The following NEXN variants were observed in gnomAD, a reference collection of about 807,000 sequenced individuals.
The protein encoded by NEXN is nexilin F-actin binding protein.
NEXN carries 65 observed loss-of-function variants against 92.6 expected under a neutral mutation model. That is an observed-to-expected ratio of 0.70 (90% CI 0.57 to 0.86). NEXN has a LOEUF of 0.86. Among genes scored for constraint, NEXN ranks in the 40% least tolerant of loss-of-function variants. NEXN has a pLI of 0.00. For synonymous variants in NEXN, 254 were observed against 242.5 expected (o/e 1.05, Z -0.44); for missense variants, 778 against 771.1 (o/e 1.01, Z -0.11).
Position 77,942,857 on chromosome 1 carries a change from ATTTTT to A in NEXN, c.*33_*37del. 1 of 1,559,680 alleles carries A rather than the reference ATTTTT, an allele frequency of 6.4e-7. No individual in the cohort carries two copies. Among genetic ancestry groups the A allele is most frequent in the South Asian group, 1.2e-5 (1 of 86,670 alleles). ...ACTCTTTTTATCTTTTATTCTATTA[ATTTTT>A]TTTTCCTTAAAATCACTTTTCTTCT... On this transcript the variant is annotated 3_prime_UTR_variant, in exon 13 of 13. Transcript: ENST00000334785.
intron 1 of NEXN, among the ~76,000 whole-genome samples, chr1:77,910,788 G>T (rs1044648988): frequency 6.8e-6 from 1 of 147,628 alleles, no homozygotes; most frequent in African/African-American, 2.5e-5. Flanking sequence ...AGTTATTTTA[G>T]CAGGGTTGCA....
intron 1 of NEXN, among the ~76,000 whole-genome samples, chr1:77,906,545 A>C (rs1347387692): frequency 2.0e-5 from 3 of 152,206 alleles, no homozygotes; most frequent in African/African-American, 7.2e-5. Flanking sequence ...TTTTGTATTA[A>C]TATTAAAATT....
At position 77,942,602 on chromosome 1, in the gene NEXN, T is replaced by C. The variant is rs1441251448; in HGVS notation, c.1801T>C (p.Phe601Leu). 1.2e-6 allele frequency: 2 copies of C among 1,613,706 alleles called. No homozygotes were observed. Among genetic ancestry groups the C allele is most frequent in the East Asian group, 2.2e-5 (1 of 44,868 alleles). Residue 601 changes from phenylalanine (F) to leucine (L), a missense_variant, in exon 13 of 13, where the codon TTT (phenylalanine) becomes CTT (leucine). By Grantham distance (22) the Phe-to-Leu change is conservative. Around this residue, in one of 3 missense-constraint regions of NEXN, gnomAD observed 532 missense variants for 476.7 expected, o/e 1.12. Transcript: ENST00000334785. ...AGTTGTAGACAGTGAGCCAGTCAGA[T>C]TTACGGTTAAAGTAACAGGAGAACC... ...TSVVDSEPVR[F>L]TVKVTGEPKP...
chr1:77,936,398 G>A (rs1296020944), intron 11 of NEXN, among the ~76,000 whole-genome samples: 1 of 152,122 alleles, frequency 6.6e-6, no homozygotes, highest in Non-Finnish European at 1.5e-5. Flanking sequence ...GCTAGCCTGG[G>A]TAACAAAGTG....
At chr1:77,925,301 G>T in intron 6 of NEXN, 72 bp downstream of exon 6, 2 of 1,047,618 alleles carry the variant, frequency 1.9e-6, no homozygotes, top group South Asian at 1.4e-5. Context: ...TTTAGTATAA[G>T]AAAAAACTAA....
rs794729092 is a variant in NEXN, at chr1:77,936,014, TAA to T, written c.1445_1446del (p.Lys482ArgfsTer5). On this transcript the variant is annotated frameshift_variant, in exon 11 of 13. Transcript: ENST00000334785. LOFTEE classifies it high-confidence loss of function. Reference protein sequence around the residue: ...ARRRAIDLEIKEREAENFHEE... With the variant: ...ARRRAIDLEIXEREAENFHEE... ...GAAGGAGAGCAATTGACCTTGAAAT[TAA>T]AGAGCGAGAAGCTGAAAATTTTCAT... The T allele has an allele frequency of 6.2e-7, 1 of 1,613,560 alleles. No individual in the cohort carries two copies. The highest frequency in any genetic ancestry group is 8.5e-7 in the Non-Finnish European group (1 of 1,179,820).
intron 1 of NEXN, among the ~76,000 whole-genome samples, chr1:77,897,443 T>C (rs1647323441): frequency 6.6e-6 from 1 of 152,200 alleles, no homozygotes; most frequent in Non-Finnish European, 1.5e-5. Flanking sequence ...GAAAAGGCCT[T>C]TGACAAAATT....
At position 77,921,460 on chromosome 1, in the gene NEXN, T is replaced by C. The variant is rs1035703540; in HGVS notation, c.447+3187T>C. Among the ~76,000 whole-genome samples the C allele has an allele frequency of 2.6e-5, 4 of 152,206 alleles. No individual in the cohort carries two copies. The East Asian group carries it at 5.8e-4, about 22-fold the overall frequency. On this transcript the variant is annotated intron_variant, in intron 5 of 12. Transcript: ENST00000334785. ...TCCTGGATCTTTTTATTTTTTATTTTTTAAGACAGAGTCTTGCTCTGTTGC... is the reference window on the plus strand; with the variant it reads ...TCCTGGATCTTTTTATTTTTTATTTCTTAAGACAGAGTCTTGCTCTGTTGC...
intron 11 of NEXN, among the ~76,000 whole-genome samples, chr1:77,939,246 G>A (rs1651051377): frequency 6.6e-6 from 1 of 152,208 alleles, no homozygotes. Context: ...CAGGTCTGGG[G>A]AGTTGGGGTG....
intron 1 of NEXN, among the ~76,000 whole-genome samples, chr1:77,915,667 C>T (rs1557972486): frequency 6.6e-6 from 1 of 151,966 alleles, no homozygotes; most frequent in Non-Finnish European, 1.5e-5. Flanking sequence ...AACAAGCAAA[C>T]AAAAAACTAC....
intron 5 of NEXN, among the ~76,000 whole-genome samples, chr1:77,921,405 T>C (rs1164764022): frequency 6.6e-6 from 1 of 152,234 alleles, no homozygotes; most frequent in East Asian, 1.9e-4. Flanking sequence ...CTCTTTTCTA[T>C]ATTCTCAATG....
intron 1 of NEXN, among the ~76,000 whole-genome samples, chr1:77,891,747 T>TAAAAAAAAAAAAAAAAAAAAAAAAAAA (rs373772489): frequency 7.7e-6 from 1 of 129,034 alleles, no homozygotes. Flanking sequence ...GGAAAAAAAG[T>TAAAAAAAAAAAAAAAAAAAAAAAAAAA]AAAAAAAAAA....
At chr1:77,908,079 GT>G (rs1489219813) in intron 1 of NEXN, among the ~76,000 whole-genome samples, 1 of 151,824 alleles carries the variant, frequency 6.6e-6, no homozygotes, top group Non-Finnish European at 1.5e-5. Context: ...TGAGACCCCT[GT>G]CTCTATTTTT....
chr1:77,898,260 A>C (rs918191588), intron 1 of NEXN, among the ~76,000 whole-genome samples: 4 of 152,250 alleles, frequency 2.6e-5, no homozygotes, highest in African/African-American at 9.6e-5. Context: ...ACTTCAAACT[A>C]TACTACAAGG....
chr1:77,942,885 TCTTCTC>T lies in NEXN; in HGVS notation c.*57_*62del. 1 of 1,530,572 alleles carries T rather than the reference TCTTCTC, an allele frequency of 6.5e-7. No individual in the cohort carries two copies. The allele number at this position is 1,530,572 out of a possible 1,614,324, so 94.8% of individuals were successfully genotyped here. ...TTTTTTTCCTTAAAATCACTTTTCT[TCTTCTC>T]TTTTTTAGCTGATGACTACTAGCTC... On this transcript the variant is annotated 3_prime_UTR_variant, in exon 13 of 13. Coordinates refer to ENST00000334785, the MANE Select transcript of NEXN (RefSeq NM_144573.4).
In NEXN at chr1:77,926,870, T is replaced by C. The variant is rs1345711555; in HGVS notation, c.842T>C (p.Phe281Ser). 6.2e-7 allele frequency: 1 copy of C among 1,613,896 alleles called. No individual in the cohort carries two copies. Among genetic ancestry groups the C allele is most frequent in the South Asian group, 1.1e-5 (1 of 91,064 alleles). Reference protein sequence around the residue: ...RKRLEEEKRAFEEARRQMVNE... With the variant: ...RKRLEEEKRASEEARRQMVNE... ...CGTTTAGAAGAAGAGAAGCGTGCTT[T>C]TGAAGAAGCAAGGCGGCAAATGGTA... Residue 281 changes from phenylalanine (F) to serine (S), a missense_variant, in exon 8 of 13, where the codon TTT (phenylalanine) becomes TCT (serine). By Grantham distance (155) the Phe-to-Ser change is radical. Around this residue, in one of 3 missense-constraint regions of NEXN, gnomAD observed 532 missense variants for 476.7 expected, o/e 1.12. Transcript: ENST00000334785.
At chr1:77,938,446 C>T (rs1345294648) in intron 11 of NEXN, among the ~76,000 whole-genome samples, 2 of 151,878 alleles carry the variant, frequency 1.3e-5, no homozygotes, top group South Asian at 2.1e-4. Context: ...GTCAAGAGAT[C>T]GAGACCATCC....
chr1:77,925,210 G>T lies in NEXN; in HGVS notation c.470G>T (p.Gly157Val). The T allele has an allele frequency of 1.3e-6, 2 of 1,598,168 alleles. No homozygotes were observed. The highest frequency in any genetic ancestry group is 2.2e-5 in the South Asian group (2 of 89,678). Residue 157 changes from glycine to valine, a missense_variant, in exon 6 of 13, where the codon GGA becomes GTA. Transcript: ENST00000334785. ...AEQIEDINNT[G>V]TESASEEGDD... ...TAGATTGAGGACATAAACAATACGG[G>T]AACTGAATCAGCATCAGAGGTAAAC...
At chr1:77,902,126 A>C (rs1308010187) in intron 1 of NEXN, among the ~76,000 whole-genome samples, 1 of 152,142 alleles carries the variant, frequency 6.6e-6, no homozygotes, top group Non-Finnish European at 1.5e-5. Context: ...TTCTTGAAAA[A>C]ACATCAATGT....
Sources: allele counts gnomAD v4.1 joint callset (sites outside exome capture counted in the v4.1 genomes callset), GRCh38; gene constraint gnomAD v4.1.1; regional missense constraint gnomAD v4.1.1; transcripts MANE v1.5; gene names NCBI Gene and HGNC (gene_info 2026-07-23, HGNC 2026-07-21).